Variants in MREG observed in about 807,000 individuals in gnomAD.
The protein encoded by MREG is dilute suppressor protein homolog.
In MREG, 31 loss-of-function variants were observed where a neutral mutation model predicts 28.5. The observed-to-expected ratio is 1.09, with a 90% CI of 0.82 to 1.47. The LOEUF (loss-of-function observed/expected upper bound fraction) is 1.47, where lower values mean the gene tolerates loss of function less well. Among genes scored for constraint, MREG ranks in the 40% most tolerant of loss-of-function variants. MREG has a pLI of 0.00. For synonymous variants in MREG, 106 were observed against 95.2 expected, an observed-to-expected ratio of 1.11 and a Z score of -0.66; for missense variants, 256 against 257.4, an observed-to-expected ratio of 0.99 and a Z score of 0.04.
intron 1 of MREG, among the ~76,000 whole-genome samples, chr2:216,026,657 G>A (rs1409392442): frequency 1.3e-5 from 2 of 151,954 alleles, no homozygotes; most frequent in African/African-American, 4.8e-5. Flanking sequence ...CACCACAACT[G>A]GCTAAACTGG....
At chr2:216,015,091 C>T (rs1189066777), upstream of MREG, among the ~76,000 whole-genome samples, 1 of 109,852 alleles carries the variant, frequency 9.1e-6, no homozygotes, top group Admixed American at 9.6e-5. Context: ...ATAAGAAGTG[C>T]CAGGGAGAGC....
Position 216,013,404 on chromosome 2 carries a change from C to T in MREG, c.-77G>A. The T allele has an allele frequency of 3.7e-6, 4 of 1,082,210 alleles. No homozygotes were observed. Among genetic ancestry groups the T allele is most frequent in the Non-Finnish European group, 3.6e-6 (3 of 827,174 alleles). 67.0% of individuals were successfully genotyped at this position (1,082,210 alleles called of 1,614,324 possible). A position where few individuals can be genotyped will look rare whatever the true frequency, so the allele number is the denominator to read the frequency against. On this transcript the variant is annotated 5_prime_UTR_variant, in exon 1 of 5. Transcript: ENST00000263268. ...GCGAGCGATCGAGGCTGGGGCGCGG[C>T]CACCGCGCCAGCGTCCAGGTGCGGG...
chr2:215,940,816 C>T (rs772983083), downstream of MREG, among the ~76,000 whole-genome samples: 11 of 152,094 alleles, frequency 7.2e-5, no homozygotes, highest in Non-Finnish European at 1.5e-4. Flanking sequence ...ATAGGGAACT[C>T]TGGAGCAATG....
chr2:215,968,508 C>T (rs748768848), intron 2 of MREG, among the ~76,000 whole-genome samples: 32 of 152,052 alleles, frequency 2.1e-4, no homozygotes, highest in Non-Finnish European at 2.9e-5. Context: ...TCAAGTAGTT[C>T]GAAAGTGATT....
intron 1 of MREG, among the ~76,000 whole-genome samples, chr2:216,006,194 T>C (rs1324863217): frequency 6.6e-6 from 1 of 152,172 alleles, no homozygotes; most frequent in East Asian, 1.9e-4. Context: ...GAACTTCCAA[T>C]GGCACTATGA....
chr2:216,032,104 AC>A (rs1391887736), intron 1 of MREG, among the ~76,000 whole-genome samples: 2 of 152,218 alleles, frequency 1.3e-5, no homozygotes, highest in Non-Finnish European at 2.9e-5. Flanking sequence ...ATTCTAACTT[AC>A]ATCTACTGTG....
chr2:216,007,320 C>T (rs778681134), intron 1 of MREG, among the ~76,000 whole-genome samples: 2 of 152,114 alleles, frequency 1.3e-5, no homozygotes, highest in Non-Finnish European at 2.9e-5. Context: ...CAGCCCCAGC[C>T]GAGGTCAAAA....
chr2:216,013,377 C>G lies in MREG; in HGVS notation c.-50G>C. The G allele has an allele frequency of 7.1e-7, 1 of 1,404,004 alleles. No homozygotes were observed. Among genetic ancestry groups the G allele is most frequent in the East Asian group, 2.9e-5 (1 of 33,906 alleles). The allele number at this position is 1,404,004 out of a possible 1,614,324, so 87.0% of individuals were successfully genotyped here. On this transcript the variant is annotated 5_prime_UTR_variant, in exon 1 of 5. Transcript: ENST00000263268. The stretch of plus-strand genomic sequence containing the variant: ...CCGGAAGCCTGGGGCCGAGTCGCCG[C>G]GGCGAGCGATCGAGGCTGGGGCGCG...
chr2:215,945,085 A>C, intron 4 of MREG, 88 bp from the exon 5 acceptor site: 2 of 1,332,966 alleles, frequency 1.5e-6, no homozygotes, highest in Non-Finnish European at 2.0e-6. Flanking sequence ...ACAACAACAA[A>C]ACCCACCCTG....
At chr2:216,020,156 T>A (rs994160222) in intron 1 of MREG, among the ~76,000 whole-genome samples, 3 of 152,322 alleles carry the variant, frequency 2.0e-5, no homozygotes, top group Admixed American at 6.5e-5. Context: ...CACCTTTTTG[T>A]ATAGCTATTA....
intron 1 of MREG, among the ~76,000 whole-genome samples, chr2:216,027,664 G>A (rs551953308): frequency 2.0e-4 from 30 of 152,190 alleles, no homozygotes; most frequent in Non-Finnish European, 3.8e-4. Flanking sequence ...CTGCATTCCA[G>A]CCTCGGTGAC....
chr2:215,982,042 C>T (rs780910725), intron 2 of MREG, among the ~76,000 whole-genome samples: 3 of 152,122 alleles, frequency 2.0e-5, no homozygotes, highest in Non-Finnish European at 2.9e-5. Flanking sequence ...AAACACTGGC[C>T]GGGCACGGTG....
At chr2:215,940,380 G>C (rs899963559), downstream of MREG, among the ~76,000 whole-genome samples, 1 of 152,188 alleles carries the variant, frequency 6.6e-6, no homozygotes, top group East Asian at 1.9e-4. Flanking sequence ...AAAGTGATCC[G>C]AGGAAATGAA....
At chr2:215,947,600 T>A (rs1692354678) in intron 2 of MREG, among the ~76,000 whole-genome samples, 1 of 152,204 alleles carries the variant, frequency 6.6e-6, no homozygotes, top group South Asian at 2.1e-4. Context: ...GAATAGATAT[T>A]GGAAGCCAAG....
chr2:216,003,380 C>G (rs1037247162), intron 1 of MREG, among the ~76,000 whole-genome samples: 1 of 152,098 alleles, frequency 6.6e-6, no homozygotes. Flanking sequence ...TTTCAAGGCT[C>G]GAAGACGGTC....
At chr2:215,945,760 T>G in intron 3 of MREG, 26 bp from the exon 4 acceptor site, 1 of 1,599,982 alleles carries the variant, frequency 6.3e-7, no homozygotes, top group Non-Finnish European at 8.5e-7. Context: ...GGACCACTCA[T>G]GTAAAGTAGT....
chr2:215,971,989 C>T (rs1693112461), intron 2 of MREG, among the ~76,000 whole-genome samples: 1 of 152,138 alleles, frequency 6.6e-6, no homozygotes, highest in Admixed American at 6.5e-5. Flanking sequence ...GGTGCAACTC[C>T]AAGATATGCC....
At position 215,947,044 on chromosome 2, in the gene MREG, T is replaced by G. The variant is rs769942139; in HGVS notation, c.325A>C (p.Lys109Gln). The G allele has an allele frequency of 6.2e-7, 1 of 1,608,146 alleles. No homozygotes were observed. The highest frequency in any genetic ancestry group is 1.7e-5 in the Admixed American group (1 of 59,974). The change falls in exon 3 of 5, where the codon AAG becomes CAG. Residue 109 changes from lysine to glutamine, a missense_variant. Coordinates refer to ENST00000263268, the MANE Select transcript of MREG (RefSeq NM_018000.3). Reference protein sequence around the residue: ...QVRREVRNRWKCILEDLGFQK... With the variant: ...QVRREVRNRWQCILEDLGFQK... ...TTACCTAAATCTTCTAAGATGCACT[T>G]CCATCTGTTTCTTACTTCCCTTCGA...
intron 2 of MREG, among the ~76,000 whole-genome samples, chr2:215,949,803 A>G (rs1008425666): frequency 1.6e-4 from 25 of 152,228 alleles, no homozygotes; most frequent in African/African-American, 4.6e-4. Context: ...ATGAAAAAAT[A>G]TATACATACA....
Sources: gnomAD v4.1 joint callset for allele counts (sites outside exome capture counted in the v4.1 genomes callset) on GRCh38, gnomAD v4.1.1 for gene constraint, MANE v1.5 for transcripts, NCBI Gene and HGNC (gene_info 2026-07-23, HGNC 2026-07-21) for gene names.